Variants in ABCC8 observed in about 807,000 individuals in gnomAD.
ABCC8 encodes the protein ATP binding cassette subfamily C member 8.
Under a neutral mutation model 188.0 loss-of-function variants are expected in ABCC8, and 137 were observed. That is an observed-to-expected ratio of 0.73 (90% CI 0.63 to 0.84). ABCC8 has a LOEUF of 0.84. Among genes scored for constraint, ABCC8 ranks in the 40% least tolerant of loss-of-function variants. The pLI is 0.00. For missense variants in ABCC8, 1,750 were observed against 2,072.7 expected (o/e 0.84, Z 3.02); for synonymous variants, 797 against 846.5 (o/e 0.94, Z 1.01).
chr11:17,441,152 TC>T, intron 10 of ABCC8, among the ~76,000 whole-genome samples: 1 of 151,958 alleles, frequency 6.6e-6, no homozygotes, highest in Non-Finnish European at 1.5e-5. Flanking sequence ...TCTACTCCTT[TC>T]AGAGCCCAGA....
At chr11:17,399,163 T>C in intron 29 of ABCC8, 1 of 151,104 alleles carries the variant, frequency 6.6e-6, no homozygotes, top group Non-Finnish European at 1.5e-5. Flanking sequence ...TCCCAGCTAC[T>C]TGGGAGGCTG....
In ABCC8 at chr11:17,413,004, C is replaced by G. The variant is rs1954890439; in HGVS notation, c.2476-258G>C. The G allele has an allele frequency of 8.4e-6, 6 of 710,532 alleles. No individual in the cohort carries two copies. The African/African-American group carries it at 1.1e-4, about 13-fold the overall frequency. 44.0% of individuals were successfully genotyped at this position (710,532 alleles called of 1,614,324 possible). A position where few individuals can be genotyped will look rare whatever the true frequency, so the allele number is the denominator to read the frequency against. ...TGACCAGTACAAACAAAGACAGAGG[C>G]AGCAGGGATTAAAATCACACAAAAG... On this transcript the variant is annotated intron_variant, in intron 20 of 38. Coordinates refer to ENST00000389817, the MANE Select transcript of ABCC8 (RefSeq NM_000352.6).
chr11:17,397,848 C>A (rs772703904), intron 30 of ABCC8, 51 bp from the exon 31 acceptor site: 8 of 1,604,694 alleles, frequency 5.0e-6, no homozygotes, highest in Non-Finnish European at 5.1e-6. Flanking sequence ...GAGCCACAGG[C>A]CCCTGTTCTA....
intron 21 of ABCC8, among the ~76,000 whole-genome samples, chr11:17,412,035 G>C (rs952484240): frequency 1.3e-5 from 2 of 152,020 alleles, no homozygotes; most frequent in Admixed American, 1.3e-4. Context: ...TGGGACTACA[G>C]GCGCCCGCCA....
intron 10 of ABCC8, chr11:17,436,160 G>A (rs1441390335): frequency 2.3e-5 from 17 of 749,052 alleles, no homozygotes; most frequent in Non-Finnish European, 3.5e-5. Context: ...CAACCAACAT[G>A]TCTCAGCAAG....
rs538923562 is a variant in ABCC8 at position 17,460,503 on chromosome 11, G to T, written c.996C>A (p.Asp332Glu). The change falls in exon 6 of 39, where the codon GAC becomes GAA. Residue 332 changes from aspartate to glutamate, a missense_variant. Transcript: ENST00000389817. ...GGCTGCCTACCTTGGGCTGGAAGAC[G>T]TCGTTCTCCTTCCCAAGGTGGTCCA... is the stretch of plus-strand genomic sequence containing the variant. ...GIVDHLGKEN[D>E]VFQPKTQFLG... 5 of 1,614,120 alleles carry T rather than the reference G, an allele frequency of 3.1e-6. No homozygotes were observed. In the African/African-American group the frequency reaches 5.3e-5, roughly 17 times the overall value.
chr11:17,395,967 T>G, intron 33 of ABCC8, 37 bp from the exon 34 acceptor site: 1 of 1,554,096 alleles, frequency 6.4e-7, no homozygotes, highest in Non-Finnish European at 8.7e-7. Flanking sequence ...ACTGGGACTC[T>G]GGGGCTGCTG....
intron 28 of ABCC8, among the ~76,000 whole-genome samples, chr11:17,402,971 CT>C: frequency 6.6e-6 from 1 of 152,360 alleles, no homozygotes; most frequent in Non-Finnish European, 1.5e-5. Flanking sequence ...TAGACACAGC[CT>C]GATGTGGGGC....
intron 29 of ABCC8, chr11:17,398,953 C>T (rs1954082847): frequency 5.3e-6 from 1 of 187,968 alleles, no homozygotes; most frequent in Non-Finnish European, 1.1e-5. Context: ...AAACTGTGTC[C>T]TCTCCCCCAC....
intron 3 of ABCC8, among the ~76,000 whole-genome samples, chr11:17,469,792 C>G (rs770560819): frequency 1.3e-5 from 2 of 152,134 alleles, no homozygotes; most frequent in Non-Finnish European, 2.9e-5. Context: ...ATCTGCATGC[C>G]CACAGTTACC....
chr11:17,432,080 A>C (rs1443503840), intron 11 of ABCC8, 124 bp downstream of exon 11: 1 of 1,306,970 alleles, frequency 7.7e-7, no homozygotes, highest in Non-Finnish European at 1.1e-6. Flanking sequence ...TCCTATTTTC[A>C]GTCTGGCTGT....
In ABCC8 at chr11:17,392,899, A is replaced by C; in HGVS notation, c.*92T>G. 6.8e-7 allele frequency: 1 copy of C among 1,466,462 alleles called. No homozygotes were observed. Among genetic ancestry groups the C allele is most frequent in the Non-Finnish European group, 9.5e-7 (1 of 1,054,056 alleles). 90.8% of individuals were successfully genotyped at this position (1,466,462 alleles called of 1,614,324 possible). ...AGGGCCTCTAGTAGGAAATAATCAA[A>C]TCTATTTATTTACAAGTGATTTACA... On this transcript the variant is annotated 3_prime_UTR_variant, in exon 39 of 39. Transcript: ENST00000389817.
rs1474354317 is a variant in ABCC8 at position 17,443,300 on chromosome 11, C to T, written c.1345G>A (p.Val449Met). The T allele has an allele frequency of 1.9e-6, 3 of 1,614,124 alleles. No homozygotes were observed. Among genetic ancestry groups the T allele is most frequent in the Admixed American group, 1.7e-5 (1 of 60,022 alleles). ...WAMPVQIIVGVILLYYILGVS... is the reference protein window; with the variant it reads ...WAMPVQIIVGMILLYYILGVS... The stretch of plus-strand genomic sequence containing the variant: ...CCGAGTATGTAGTAGAGGAGAATCA[C>T]ACCCACAATGATCTGAGGAAGGGGT... Residue 449 changes from valine to methionine, a missense_variant, in exon 9 of 39, where the codon GTG (valine) becomes ATG (methionine). Transcript: ENST00000389817.
At chr11:17,410,429 C>T (rs1172842186) in intron 22 of ABCC8, 87 bp downstream of exon 22, 18 of 1,469,584 alleles carry the variant, frequency 1.2e-5, no homozygotes, top group Non-Finnish European at 1.7e-5. Context: ...GCAGTTGCTA[C>T]CAAGACAACG....
chr11:17,402,898 G>C (rs527919369), intron 28 of ABCC8, 145 bp from the exon 29 acceptor site: 3 of 960,710 alleles, frequency 3.1e-6, no homozygotes, highest in South Asian at 2.8e-5. Flanking sequence ...GAAGGGGGAA[G>C]ACAATGCCAC....
In ABCC8 at chr11:17,430,861, C is replaced by T. The variant is rs1955814534; in HGVS notation, c.1770G>A (p.Leu590=). ...LSLFHILVTP[L]FLLSSVVRST... ...ATCGGACCACACTGGACAGCAGGAA[C>T]AGCGGTGTGACCAAGATATGGAAGA... Residue 590 remains leucine (L), a synonymous_variant, in exon 12 of 39, where the codon CTG becomes CTA. Coordinates refer to ENST00000389817, the MANE Select transcript of ABCC8 (RefSeq NM_000352.6). The T allele has an allele frequency of 6.2e-7, 1 of 1,614,096 alleles. No homozygotes were observed. The highest frequency in any genetic ancestry group is 8.5e-7 in the Non-Finnish European group (1 of 1,180,050).
chr11:17,416,824 A>C, intron 17 of ABCC8, 106 bp downstream of exon 17: 2 of 1,501,256 alleles, frequency 1.3e-6, no homozygotes, highest in Non-Finnish European at 1.8e-6. Flanking sequence ...TGTAGGCTGC[A>C]CATCCCTGAA....
intron 8 of ABCC8, among the ~76,000 whole-genome samples, chr11:17,443,829 C>T (rs899274417): frequency 6.6e-6 from 1 of 152,118 alleles, no homozygotes; most frequent in Non-Finnish European, 1.5e-5. Context: ...GCCAGGTATT[C>T]CCTGAAAAGA....
At chr11:17,393,827 A>T (rs940427235) in intron 37 of ABCC8, 68 bp from the exon 38 acceptor site, 1 of 1,613,122 alleles carries the variant, frequency 6.2e-7, no homozygotes, top group African/African-American at 1.3e-5. Flanking sequence ...GGCTTGGGGG[A>T]TGTGGAGCCC....
Sources: gnomAD v4.1 joint callset for allele counts (sites outside exome capture counted in the v4.1 genomes callset) on GRCh38, gnomAD v4.1.1 for gene constraint, MANE v1.5 for transcripts, NCBI Gene and HGNC (gene_info 2026-07-23, HGNC 2026-07-21) for gene names.